The following GALNT13 variants were observed in gnomAD, a reference collection of about 807,000 sequenced individuals.
The protein encoded by GALNT13 is UDP-GalNAc:polypeptide N-acetylgalactosaminyltransferase 13.
GALNT13 carries 28 observed loss-of-function variants against 64.2 expected under a neutral mutation model. That is an observed-to-expected ratio of 0.44 (90% CI 0.32 to 0.60). The LOEUF is 0.60. GALNT13 is among the 20% of genes least tolerant of loss of function. GALNT13 has a pLI of 0.05. For missense variants in GALNT13, 577 were observed against 669.8 expected, an observed-to-expected ratio of 0.86 and a Z score of 1.53; for synonymous variants, 214 against 224.6, an observed-to-expected ratio of 0.95 and a Z score of 0.42.
the GALNT13 span, among the ~76,000 whole-genome samples, chr2:153,469,712 A>G: frequency 2.6e-5 from 4 of 152,178 alleles, no homozygotes; most frequent in Non-Finnish European, 4.4e-5. Context: ...GAGAGGCTCC[A>G]TCAAAATAAG....
At chr2:154,056,806 G>T (rs1699915630) in intron 3 of GALNT13, among the ~76,000 whole-genome samples, 1 of 151,860 alleles carries the variant, frequency 6.6e-6, no homozygotes, top group South Asian at 2.1e-4. Context: ...CATATTTATG[G>T]ACATTTTGGA....
chr2:153,107,530 A>G, the GALNT13 span, among the ~76,000 whole-genome samples: 1 of 152,118 alleles, frequency 6.6e-6, no homozygotes. Context: ...GCATATTTCA[A>G]GCAGCAGAAA....
the GALNT13 span, among the ~76,000 whole-genome samples, chr2:153,298,682 C>A: frequency 6.6e-6 from 1 of 152,106 alleles, no homozygotes; most frequent in East Asian, 1.9e-4. Context: ...TTTATGGTTT[C>A]TGCTATCCAG....
the GALNT13 span, among the ~76,000 whole-genome samples, chr2:153,850,507 C>T: frequency 6.6e-6 from 1 of 152,266 alleles, no homozygotes; most frequent in South Asian, 2.1e-4. Context: ...GTAGAATTAA[C>T]AATGTCTGCC....
chr2:153,869,874 G>A (rs150776314), upstream of GALNT13, among the ~76,000 whole-genome samples: 8 of 152,120 alleles, frequency 5.3e-5, no homozygotes, highest in East Asian at 1.9e-4. Context: ...GCAAATGTAC[G>A]TCCACAGAAT....
chr2:154,340,878 T>G (rs970274559), intron 9 of GALNT13, among the ~76,000 whole-genome samples: 1 of 130,800 alleles, frequency 7.6e-6, no homozygotes, highest in African/African-American at 2.8e-5. Flanking sequence ...GTCACAGATA[T>G]CTTTGTTCTT....
chr2:153,509,236 C>A, the GALNT13 span, among the ~76,000 whole-genome samples: 16,731 of 152,270 alleles, frequency 0.11, 1,050 homozygotes, highest in African/African-American at 0.17. Context: ...GAGTGCAGGG[C>A]TGCCTCAGTC....
the GALNT13 span, among the ~76,000 whole-genome samples, chr2:153,244,763 A>G: frequency 0.038 from 5,748 of 152,262 alleles, 350 homozygotes; most frequent in African/African-American, 0.13. Context: ...CTACACCTGG[A>G]ACCCCAGCAA....
At chr2:153,212,116 G>A in the GALNT13 span, among the ~76,000 whole-genome samples, 3 of 152,080 alleles carry the variant, frequency 2.0e-5, no homozygotes, top group Admixed American at 2.0e-4. Flanking sequence ...ACATCCTACT[G>A]TCAAATCCCT....
the GALNT13 span, among the ~76,000 whole-genome samples, chr2:153,633,476 A>G: frequency 5.3e-5 from 8 of 152,162 alleles, no homozygotes; most frequent in African/African-American, 1.9e-4. Flanking sequence ...AGTTTTAAGA[A>G]TGTTTCATAT....
the GALNT13 span, among the ~76,000 whole-genome samples, chr2:153,487,076 ATT>A: frequency 6.6e-6 from 1 of 152,182 alleles, no homozygotes; most frequent in African/African-American, 2.4e-5. Context: ...TCCAATATTG[ATT>A]TTAAAAACAT....
the GALNT13 span, among the ~76,000 whole-genome samples, chr2:153,487,908 A>G: frequency 6.6e-6 from 1 of 152,208 alleles, no homozygotes; most frequent in Admixed American, 6.5e-5. Context: ...ATGGGGACAC[A>G]TTGAAGGGCT....
At chr2:154,125,466 T>A (rs1208194052) in intron 3 of GALNT13, among the ~76,000 whole-genome samples, 3 of 152,186 alleles carry the variant, frequency 2.0e-5, no homozygotes. Flanking sequence ...AATGTTCAGT[T>A]ATATCTGAAT....
the GALNT13 span, among the ~76,000 whole-genome samples, chr2:153,575,839 A>G: frequency 7.2e-5 from 11 of 152,238 alleles, no homozygotes; most frequent in East Asian, 2.1e-3. Context: ...TTGGTGCTCT[A>G]CTTTCCTGTG....
In GALNT13 at chr2:154,004,358, G is replaced by A. The variant is rs376944161; in HGVS notation, c.142+59719G>A. On this transcript the variant is annotated intron_variant, in intron 3 of 12. Coordinates refer to ENST00000392825, the MANE Select transcript of GALNT13 (RefSeq NM_052917.4). ...GTAGCTGGGACTACAGGCATGCATC[G>A]CCACGCCCAGCTAATTTTTGTATTT... 2.5e-4 allele frequency among the ~76,000 whole-genome samples: 38 copies of A among 151,912 alleles called. No individual in the cohort carries two copies. The East Asian group carries it at 2.7e-3, about 11-fold the overall frequency.
chr2:154,173,215 C>A (rs1685460762), intron 4 of GALNT13, among the ~76,000 whole-genome samples: 2 of 151,884 alleles, frequency 1.3e-5, no homozygotes, highest in Admixed American at 1.3e-4. Flanking sequence ...ATATTGAGAA[C>A]ATACACTGGG....
chr2:153,841,616 C>G, the GALNT13 span, among the ~76,000 whole-genome samples: 2 of 152,024 alleles, frequency 1.3e-5, no homozygotes, highest in African/African-American at 4.8e-5. Context: ...CTATCTCATC[C>G]CAAAGCTGAA....
intron 4 of GALNT13, among the ~76,000 whole-genome samples, chr2:154,177,627 A>G (rs1685724412): frequency 6.6e-6 from 1 of 152,188 alleles, no homozygotes; most frequent in Non-Finnish European, 1.5e-5. Flanking sequence ...GCATTAATGC[A>G]AGATGTTAGT....
intron 8 of GALNT13, among the ~76,000 whole-genome samples, chr2:154,279,579 T>G (rs1283487252): frequency 6.6e-6 from 1 of 152,154 alleles, no homozygotes; most frequent in Non-Finnish European, 1.5e-5. Flanking sequence ...GAGCAACTTT[T>G]AAATTTCACA....
Sources: gnomAD v4.1 joint callset for allele counts (sites outside exome capture counted in the v4.1 genomes callset) on GRCh38, gnomAD v4.1.1 for gene constraint, MANE v1.5 for transcripts, NCBI Gene and HGNC (gene_info 2026-07-23, HGNC 2026-07-21) for gene names.